Variants in MPI observed in about 807,000 individuals in gnomAD.
MPI encodes the protein mannose-6-phosphate isomerase.
MPI carries 33 observed loss-of-function variants against 40.1 expected under a neutral mutation model. That is an observed-to-expected ratio of 0.82 (90% CI 0.62 to 1.10). MPI has a LOEUF of 1.10. Ranked by LOEUF, MPI falls within the 50% of genes least tolerant of loss-of-function variation. The pLI is 0.00. For synonymous variants in MPI, 187 were observed against 207.4 expected (o/e 0.90, Z 0.85); for missense variants, 514 against 524.1 (o/e 0.98, Z 0.19).
Position 74,901,923 on chromosome 15 carries a change from A to G in MPI, c.*4193A>G, listed in dbSNP as rs570205318. ...AGAGCAGTTTTTCTCTAACTAGGGAAGGGCAAACCAGAATCACTAAACTCA... is the reference window on the plus strand; with the variant it reads ...AGAGCAGTTTTTCTCTAACTAGGGAGGGGCAAACCAGAATCACTAAACTCA... On this transcript the variant is annotated 3_prime_UTR_variant, in exon 8 of 8. Coordinates refer to ENST00000352410, the MANE Select transcript of MPI (RefSeq NM_002435.3). 1.3e-5 allele frequency: 5 copies of G among 394,918 alleles called. No homozygotes were observed. Among genetic ancestry groups the G allele is most frequent in the African/African-American group, 1.0e-4 (5 of 48,724 alleles). The allele number at this position is 394,918 out of a possible 1,614,324, so 24.5% of individuals were successfully genotyped here.
At position 74,901,796 on chromosome 15, in the gene MPI, T is replaced by C. The variant is rs956071788; in HGVS notation, c.*4066T>C. On this transcript the variant is annotated 3_prime_UTR_variant, in exon 8 of 8. Transcript: ENST00000352410. ...GGTAATAATAAAAACTGCAGGCTTCTGGGGCCAGCCCCAGTACCTTCGACC... is the reference window on the plus strand; with the variant it reads ...GGTAATAATAAAAACTGCAGGCTTCCGGGGCCAGCCCCAGTACCTTCGACC... The C allele has an allele frequency of 9.4e-5, 26 of 277,226 alleles. No homozygotes were observed. The highest frequency in any genetic ancestry group is 4.6e-4 in the African/African-American group (21 of 46,032). The allele number at this position is 277,226 out of a possible 1,614,324, so 17.2% of individuals were successfully genotyped here.
rs201676072 is a variant in MPI at position 74,896,227 on chromosome 15, T to C, written c.746T>C (p.Ile249Thr). 7 of 1,614,148 alleles carry C rather than the reference T, an allele frequency of 4.3e-6. No individual in the cohort carries two copies. Among genetic ancestry groups the C allele is most frequent in the African/African-American group, 2.7e-5 (2 of 75,024 alleles). ...CTGCACCAGCAGTACCCAGGTGATA[T>C]CGGCTGCTTTGCCATCTACTTCCTG... ...LQLHQQYPGD[I>T]GCFAIYFLNL... The change falls in exon 6 of 8, where the codon ATC (isoleucine) becomes ACC (threonine). Residue 249 changes from isoleucine to threonine, a missense_variant. By Grantham distance (89) the Ile-to-Thr change is moderately conservative. Coordinates refer to ENST00000352410, the MANE Select transcript of MPI (RefSeq NM_002435.3).
In MPI at chr15:74,901,924, G is replaced by C. The variant is rs887499027; in HGVS notation, c.*4194G>C. ...GAGCAGTTTTTCTCTAACTAGGGAA[G>C]GGCAAACCAGAATCACTAAACTCAC... On this transcript the variant is annotated 3_prime_UTR_variant, in exon 8 of 8. Coordinates refer to ENST00000352410, the MANE Select transcript of MPI (RefSeq NM_002435.3). 1.4e-4 allele frequency: 54 copies of C among 395,250 alleles called. No individual in the cohort carries two copies. Among genetic ancestry groups the C allele is most frequent in the Non-Finnish European group, 2.4e-4 (54 of 224,566 alleles). 24.5% of individuals were successfully genotyped at this position (395,250 alleles called of 1,614,324 possible). A position where few individuals can be genotyped will look rare whatever the true frequency, so the allele number is the denominator to read the frequency against.
In MPI at chr15:74,901,768, G is replaced by C. The variant is rs981365501; in HGVS notation, c.*4038G>C. 8.6e-6 allele frequency: 2 copies of C among 231,918 alleles called. No individual in the cohort carries two copies. Among genetic ancestry groups the C allele is most frequent in the Non-Finnish European group, 1.6e-5 (2 of 121,276 alleles). 14.4% of individuals were successfully genotyped at this position (231,918 alleles called of 1,614,324 possible). On this transcript the variant is annotated 3_prime_UTR_variant, in exon 8 of 8. Transcript: ENST00000352410. ...CGGACTGCTCCCTGTAGCTCCCTCT[G>C]CTGGTAATAATAAAAACTGCAGGCT... is the stretch of plus-strand genomic sequence containing the variant.
At position 74,897,890 on chromosome 15, in the gene MPI, C is replaced by T; in HGVS notation, c.*160C>T. The T allele has an allele frequency of 2.7e-6, 2 of 731,028 alleles. No individual in the cohort carries two copies. Among genetic ancestry groups the T allele is most frequent in the East Asian group, 2.7e-5 (1 of 37,026 alleles). 45.3% of individuals were successfully genotyped at this position (731,028 alleles called of 1,614,324 possible). A position where few individuals can be genotyped will look rare whatever the true frequency, so the allele number is the denominator to read the frequency against. ...GGAGGGAGCGTGAAGGTAGTGACTC[C>T]TGAACACACCCAGGTGGAACCATCT... On this transcript the variant is annotated 3_prime_UTR_variant, in exon 8 of 8. Transcript: ENST00000352410.
intron 6 of MPI, 77 bp from the exon 7 acceptor site, chr15:74,896,934 A>G (rs2064826823): frequency 7.3e-7 from 1 of 1,374,126 alleles, no homozygotes; most frequent in Non-Finnish European, 1.0e-6. Flanking sequence ...GGGTTCATGG[A>G]GCTCAGGTTA....
At chr15:74,892,830 G>A (rs751995722) in intron 4 of MPI, 28 bp downstream of exon 4, 72 of 1,614,074 alleles carry the variant, frequency 4.5e-5, no homozygotes, top group Non-Finnish European at 5.9e-5. Flanking sequence ...CTGAAGGCAT[G>A]CGTACTGGGC....
intron 5 of MPI, among the ~76,000 whole-genome samples, chr15:74,894,802 A>G (rs1446290574): frequency 3.4e-5 from 5 of 148,934 alleles, no homozygotes; most frequent in Admixed American, 1.3e-4. Context: ...AAAAAAAAAG[A>G]AAAAGAAAAA....
chr15:74,900,362 G>A lies in MPI; in HGVS notation c.*2632G>A, dbSNP rs1306085986. On this transcript the variant is annotated 3_prime_UTR_variant, in exon 8 of 8. Transcript: ENST00000352410. ...GGGACAGTTGCAGCTGAATATGCCAGAGCTGATTATTACAACAACGATGCA... is the reference window on the plus strand; with the variant it reads ...GGGACAGTTGCAGCTGAATATGCCAAAGCTGATTATTACAACAACGATGCA... 1 of 152,256 alleles carries A rather than the reference G, an allele frequency of 6.6e-6. No homozygotes were observed. Among genetic ancestry groups the A allele is most frequent in the Non-Finnish European group, 1.5e-5 (1 of 68,114 alleles). 9.4% of individuals were successfully genotyped at this position (152,256 alleles called of 1,614,324 possible). A position where few individuals can be genotyped will look rare whatever the true frequency, so the allele number is the denominator to read the frequency against.
intron 6 of MPI, chr15:74,896,640 G>C: frequency 1.6e-6 from 1 of 612,224 alleles, no homozygotes; most frequent in Non-Finnish European, 2.9e-6. Flanking sequence ...CACAGCCTTT[G>C]TATGTCTGTC....
rs758670102 is a variant in MPI at position 74,892,800 on chromosome 15, A to G, written c.485A>G (p.Lys162Arg). The G allele has an allele frequency of 6.2e-7, 1 of 1,614,248 alleles. No individual in the cohort carries two copies. The highest frequency in any genetic ancestry group is 8.5e-7 in the Non-Finnish European group (1 of 1,180,038). Residue 162 changes from lysine to arginine, a missense_variant and splice_region_variant, in exon 4 of 8, where the codon AAG becomes AGG. Lys to Arg is a conservative substitution (Grantham distance 26). Coordinates refer to ENST00000352410, the MANE Select transcript of MPI (RefSeq NM_002435.3). ...RPVEEIVTFL[K>R]KVPEFQFLIG... ...GTTGAGGAGATTGTAACCTTTCTAA[A>G]GAGTAAGTTGGGCAGAATGCTGAAG...
intron 1 of MPI, 152 bp downstream of exon 1, chr15:74,890,241 T>C (rs969775038): frequency 1.8e-5 from 21 of 1,161,486 alleles, no homozygotes; most frequent in African/African-American, 9.1e-5. Flanking sequence ...GCGATGGGGA[T>C]TGACCTCCGA....
chr15:74,894,244 T>C (rs1044107077), intron 5 of MPI, among the ~76,000 whole-genome samples: 2 of 151,728 alleles, frequency 1.3e-5, no homozygotes, highest in African/African-American at 4.8e-5. Flanking sequence ...CCACCACATC[T>C]GGTTAAGTTT....
Position 74,890,069 on chromosome 15 carries a change from CGAGCATGGCCGCTCCGCGAGGT to C in MPI, c.1_16+6del. The C allele has an allele frequency of 6.2e-7, 1 of 1,607,058 alleles. No homozygotes were observed. Among genetic ancestry groups the C allele is most frequent in the Non-Finnish European group, 8.5e-7 (1 of 1,179,958 alleles). ...ACGTGCTTAATCCTGGTGCAGGGGG[CGAGCATGGCCGCTCCGCGAGGT>C]GAGCCATTGGCTGGGGTGTCGGCGA... On this transcript the variant is annotated splice_donor_variant and coding_sequence_variant and 5_prime_UTR_variant, in exon 1 of 8. Transcript: ENST00000352410. LOFTEE classifies it high-confidence loss of function.
chr15:74,890,052 A>C lies in MPI; in HGVS notation c.-22A>C. 1 of 1,605,732 alleles carries C rather than the reference A, an allele frequency of 6.2e-7. No individual in the cohort carries two copies. The highest frequency in any genetic ancestry group is 8.5e-7 in the Non-Finnish European group (1 of 1,179,880). Reference sequence around the variant, plus strand: ...GCTGCCGGGAAAGGCATACGTGCTTAATCCTGGTGCAGGGGGCGAGCATGG... The same window carrying C: ...GCTGCCGGGAAAGGCATACGTGCTTCATCCTGGTGCAGGGGGCGAGCATGG... On this transcript the variant is annotated 5_prime_UTR_variant, in exon 1 of 8. Coordinates refer to ENST00000352410, the MANE Select transcript of MPI (RefSeq NM_002435.3).
In MPI at chr15:74,898,950, G is replaced by C. The variant is rs1390470849; in HGVS notation, c.*1220G>C. 6.6e-6 allele frequency: 1 copy of C among 152,280 alleles called. No individual in the cohort carries two copies. Among genetic ancestry groups the C allele is most frequent in the Non-Finnish European group, 1.5e-5 (1 of 68,088 alleles). The allele number at this position is 152,280 out of a possible 1,614,324, so 9.4% of individuals were successfully genotyped here. On this transcript the variant is annotated 3_prime_UTR_variant, in exon 8 of 8. Coordinates refer to ENST00000352410, the MANE Select transcript of MPI (RefSeq NM_002435.3). The stretch of plus-strand genomic sequence containing the variant: ...ACTGTCTGGCTGCTTTCAAGCCACA[G>C]TGGCAAAGTTGAAGAGTTGCACTAG...
rs2064843020 is a variant in MPI, at chr15:74,897,668, G to C, written c.1210G>C (p.Val404Leu). The C allele has an allele frequency of 6.2e-7, 1 of 1,614,072 alleles. No individual in the cohort carries two copies. The highest frequency in any genetic ancestry group is 8.5e-7 in the Non-Finnish European group (1 of 1,180,040). ...GVLFIGANESVSLKLTEPKDL... is the reference protein window; with the variant it reads ...GVLFIGANESLSLKLTEPKDL... ...GCTCTTCATTGGGGCCAATGAGAGT[G>C]TCTCACTGAAGCTTACTGAGCCGAA... Residue 404 changes from valine to leucine, a missense_variant, in exon 8 of 8, where the codon GTC becomes CTC. Physicochemically the swap from Val to Leu is conservative, Grantham distance 32. Coordinates refer to ENST00000352410, the MANE Select transcript of MPI (RefSeq NM_002435.3).
chr15:74,896,526 C>T (rs1010409540), intron 6 of MPI: 1 of 706,774 alleles, frequency 1.4e-6, no homozygotes. Context: ...TGAATCCTGA[C>T]ACCAACCCTG....
At chr15:74,890,259 G>T in intron 1 of MPI, 170 bp downstream of exon 1, 1 of 1,045,044 alleles carries the variant, frequency 9.6e-7, no homozygotes, top group Non-Finnish European at 1.4e-6. Flanking sequence ...CGAGGGGAGG[G>T]GGCCCTTCTA....
Sources: gnomAD v4.1 joint callset for allele counts (sites outside exome capture counted in the v4.1 genomes callset) on GRCh38, gnomAD v4.1.1 for gene constraint, MANE v1.5 for transcripts, NCBI Gene and HGNC (gene_info 2026-07-23, HGNC 2026-07-21) for gene names.